Variants in COBLL1 observed in about 807,000 individuals in gnomAD.
COBLL1 encodes the protein cordon-bleu protein-like 1.
COBLL1 carries 50 observed loss-of-function variants against 94.8 expected under a neutral mutation model. The ratio of observed to expected loss-of-function variants is 0.53; its 90% CI spans 0.42 to 0.67. COBLL1 has a LOEUF of 0.67. Ranked by LOEUF, COBLL1 falls within the 30% of genes least tolerant of loss-of-function variation. The probability of loss-of-function intolerance (pLI) is 0.00; values close to 1 mark genes in which losing one functional copy is unlikely to be tolerated. For synonymous variants in COBLL1, 448 were observed against 473.8 expected (o/e 0.95, Z 0.71); for missense variants, 1,362 against 1,348.7 (o/e 1.01, Z -0.15).
chr2:164,833,440 TG>T (rs1427454901), intron 2 of COBLL1, among the ~76,000 whole-genome samples: 2 of 140,048 alleles, frequency 1.4e-5, no homozygotes, highest in Non-Finnish European at 3.0e-5. Context: ...CCATTTCTCC[TG>T]CCTTTACATT....
At chr2:164,756,420 C>G (rs890021518) in intron 2 of COBLL1, among the ~76,000 whole-genome samples, 2 of 151,962 alleles carry the variant, frequency 1.3e-5, no homozygotes, top group Non-Finnish European at 2.9e-5. Context: ...TAGTAATATC[C>G]TAATAATATT....
At chr2:164,668,850 T>C (rs1245321428) in intron 1 of COBLL1, among the ~76,000 whole-genome samples, 2 of 152,232 alleles carry the variant, frequency 1.3e-5, no homozygotes, top group Non-Finnish European at 1.5e-5. Flanking sequence ...AACACTTCAT[T>C]TGAGTTCTGC....
At chr2:164,756,576 G>A (rs1687419126) in intron 2 of COBLL1, among the ~76,000 whole-genome samples, 1 of 152,050 alleles carries the variant, frequency 6.6e-6, no homozygotes, top group Admixed American at 6.6e-5. Context: ...ACTTATTCTA[G>A]TATCTATAAA....
At chr2:164,802,430 T>C (rs903249497) in intron 2 of COBLL1, among the ~76,000 whole-genome samples, 4 of 152,242 alleles carry the variant, frequency 2.6e-5, no homozygotes, top group African/African-American at 9.6e-5. Flanking sequence ...CAGTAATATA[T>C]CTGAAGGCAA....
At chr2:164,752,069 A>C (rs367577854) in intron 2 of COBLL1, among the ~76,000 whole-genome samples, 36 of 152,226 alleles carry the variant, frequency 2.4e-4, no homozygotes, top group African/African-American at 8.0e-4. Context: ...CACATCAAAG[A>C]AGCACATATG....
At chr2:164,802,781 T>A (rs1683876911) in intron 2 of COBLL1, among the ~76,000 whole-genome samples, 1 of 151,926 alleles carries the variant, frequency 6.6e-6, no homozygotes, top group Middle Eastern at 3.2e-3. Flanking sequence ...CTGAACAACA[T>A]CCCATTAGAT....
At chr2:164,838,407 A>T (rs1246934213) in intron 2 of COBLL1, among the ~76,000 whole-genome samples, 1 of 152,266 alleles carries the variant, frequency 6.6e-6, no homozygotes, top group East Asian at 1.9e-4. Flanking sequence ...CATAGAATTA[A>T]TAAAAGTGAA....
At chr2:164,728,744 T>C (rs955176903) in intron 4 of COBLL1, among the ~76,000 whole-genome samples, 1 of 152,054 alleles carries the variant, frequency 6.6e-6, no homozygotes, top group African/African-American at 2.4e-5. Flanking sequence ...CATTAGCTAT[T>C]GTGATTAACT....
intron 2 of COBLL1, among the ~76,000 whole-genome samples, chr2:164,767,877 C>G (rs761219670): frequency 6.6e-6 from 1 of 151,984 alleles, no homozygotes; most frequent in East Asian, 1.9e-4. Context: ...TAAAAACAGG[C>G]CTTAACAGGT....
At chr2:164,803,582 T>TAAAATAAAATAAAATAAAATAAAATA (rs145038455) in intron 2 of COBLL1, among the ~76,000 whole-genome samples, 3 of 146,336 alleles carry the variant, frequency 2.1e-5, no homozygotes, top group Non-Finnish European at 4.5e-5. Context: ...AATAAATAAA[T>TAAAATAAAATAAAATAAAATAAAATA]AAATAAAATA....
At chr2:164,765,310 A>G (rs563288885) in intron 2 of COBLL1, among the ~76,000 whole-genome samples, 1 of 152,312 alleles carries the variant, frequency 6.6e-6, no homozygotes, top group East Asian at 1.9e-4. Flanking sequence ...AAACACAACC[A>G]CAAGAATGTA....
chr2:164,705,249 C>CAGATGCTT, intron 7 of COBLL1, 144 bp from the exon 8 acceptor site: 1 of 518,158 alleles, frequency 1.9e-6, no homozygotes, highest in Non-Finnish European at 3.1e-6. Flanking sequence ...GAAGCATCTG[C>CAGATGCTT]CACACACAGA....
intron 2 of COBLL1, among the ~76,000 whole-genome samples, chr2:164,833,355 AAAAT>A (rs1006340784): frequency 6.6e-6 from 1 of 152,200 alleles, no homozygotes; most frequent in African/African-American, 2.4e-5. Flanking sequence ...CCCTGTCTCA[AAAAT>A]AAATAAATAA....
At chr2:164,726,682 A>T (rs867484283) in intron 5 of COBLL1, among the ~76,000 whole-genome samples, 5 of 152,128 alleles carry the variant, frequency 3.3e-5, no homozygotes, top group African/African-American at 1.2e-4. Flanking sequence ...CCATCTTATT[A>T]CAAAATATTC....
At chr2:164,820,148 A>T (rs1574650508) in intron 2 of COBLL1, among the ~76,000 whole-genome samples, 1 of 145,308 alleles carries the variant, frequency 6.9e-6, no homozygotes, top group East Asian at 2.2e-4. Flanking sequence ...TGGGTTTTTT[A>T]ACTTCATAAA....
intron 2 of COBLL1, among the ~76,000 whole-genome samples, chr2:164,769,259 T>A (rs1013863760): frequency 6.6e-5 from 10 of 152,168 alleles, no homozygotes; most frequent in Non-Finnish European, 1.5e-5. Context: ...CCCTGATTCA[T>A]AGAAAACAAG....
chr2:164,823,179 TG>T (rs1183392100), intron 2 of COBLL1, among the ~76,000 whole-genome samples: 3 of 152,198 alleles, frequency 2.0e-5, no homozygotes, highest in African/African-American at 7.2e-5. Context: ...GATTCAATCA[TG>T]TTTTCATTAC....
At chr2:164,672,572 G>A (rs1173084998) in intron 1 of COBLL1, among the ~76,000 whole-genome samples, 3 of 151,628 alleles carry the variant, frequency 2.0e-5, no homozygotes, top group Non-Finnish European at 2.9e-5. Context: ...GGTGGCGGGC[G>A]CCTGTAGTCC....
chr2:164,703,077 C>A (rs1228856219), intron 9 of COBLL1: 1 of 1,371,626 alleles, frequency 7.3e-7, no homozygotes, highest in Non-Finnish European at 1.0e-6. Context: ...ACACAAAGCA[C>A]CAGCCAGGAA....
Sources: allele counts gnomAD v4.1 joint callset (sites outside exome capture counted in the v4.1 genomes callset), GRCh38; gene constraint gnomAD v4.1.1; transcripts MANE v1.5; gene names NCBI Gene and HGNC (gene_info 2026-07-23, HGNC 2026-07-21).